Variants in CCSER1 observed in about 807,000 individuals in gnomAD.
CCSER1 encodes serine-rich coiled-coil domain-containing protein 1.
CCSER1 carries 41 observed loss-of-function variants against 82.0 expected under a neutral mutation model. The ratio of observed to expected loss-of-function variants is 0.50; its 90% CI spans 0.39 to 0.65. The LOEUF is 0.65. Among genes scored for constraint, CCSER1 ranks in the 30% least tolerant of loss-of-function variants. CCSER1 has a pLI of 0.00. For synonymous variants in CCSER1, 414 were observed against 383.9 expected (o/e 1.08, Z -0.92); for missense variants, 1,119 against 1,064.2 (o/e 1.05, Z -0.72).
chr4:91,550,600 G>A (rs560826896), intron 10 of CCSER1, among the ~76,000 whole-genome samples: 5 of 152,138 alleles, frequency 3.3e-5, no homozygotes, highest in Non-Finnish European at 7.4e-5. Flanking sequence ...TCAGAAAACA[G>A]AAGTTCGTTT....
intron 10 of CCSER1, among the ~76,000 whole-genome samples, chr4:91,396,145 G>T (rs2149354810): frequency 6.6e-6 from 1 of 152,090 alleles, no homozygotes; most frequent in African/African-American, 2.4e-5. Context: ...CAACCAACTG[G>T]GTCCTGTGAA....
chr4:91,152,674 G>T (rs1730359908), intron 10 of CCSER1, among the ~76,000 whole-genome samples: 1 of 152,104 alleles, frequency 6.6e-6, no homozygotes, highest in South Asian at 2.1e-4. Context: ...TCCTTTCCAT[G>T]TTTAGTGCTT....
intron 10 of CCSER1, among the ~76,000 whole-genome samples, chr4:91,156,280 C>A (rs1451523751): frequency 6.6e-6 from 1 of 151,724 alleles, no homozygotes; most frequent in East Asian, 1.9e-4. Context: ...AATCCTTGGA[C>A]TTTACCTAGT....
intron 5 of CCSER1, among the ~76,000 whole-genome samples, chr4:90,475,067 T>C (rs1764875161): frequency 6.6e-6 from 1 of 151,570 alleles, no homozygotes; most frequent in South Asian, 2.1e-4. Context: ...CACACACACA[T>C]AAATGCACTT....
At chr4:91,323,780 A>G (rs1333193324) in intron 10 of CCSER1, among the ~76,000 whole-genome samples, 2 of 152,320 alleles carry the variant, frequency 1.3e-5, no homozygotes, top group East Asian at 3.9e-4. Context: ...GCAATGGCCT[A>G]TGGATGCATA....
intron 5 of CCSER1, among the ~76,000 whole-genome samples, chr4:90,486,608 T>C (rs1241592857): frequency 6.6e-6 from 1 of 152,236 alleles, no homozygotes; most frequent in East Asian, 1.9e-4. Flanking sequence ...TTCTACTTTC[T>C]AGGTTTTTGT....
intron 10 of CCSER1, among the ~76,000 whole-genome samples, chr4:91,238,596 C>A (rs915044056): frequency 6.6e-6 from 1 of 152,100 alleles, no homozygotes; most frequent in African/African-American, 2.4e-5. Context: ...CTCTTAGTGT[C>A]TTTGTTTATC....
chr4:90,162,958 G>C (rs997618563), intron 1 of CCSER1, among the ~76,000 whole-genome samples: 3 of 152,052 alleles, frequency 2.0e-5, no homozygotes, highest in African/African-American at 7.2e-5. Flanking sequence ...TGTCCAGGGA[G>C]TAAGAAACCA....
At chr4:90,577,536 G>A (rs1780903237) in intron 5 of CCSER1, among the ~76,000 whole-genome samples, 1 of 151,888 alleles carries the variant, frequency 6.6e-6, no homozygotes, top group Admixed American at 6.6e-5. Context: ...CACTTTTTAG[G>A]GCATTGGTTT....
Position 90,309,574 on chromosome 4 carries a change from A to T in CCSER1, c.1290A>T (p.Lys430Asn). The T allele has an allele frequency of 6.2e-7, 1 of 1,603,486 alleles. No individual in the cohort carries two copies. Residue 430 changes from lysine (K) to asparagine (N), a missense_variant, in exon 2 of 11, where the codon AAA becomes AAT. Lys to Asn is a moderately conservative substitution (Grantham distance 94, BLOSUM62 0). Transcript: ENST00000509176. ...PTSGDHHIFN[K>N]TSHGYEANPA... is the part of the protein sequence containing the mutation. ...CTGGTGATCATCATATTTTTAACAA[A>T]ACATCACATGGATATGAAGCAAATC...
chr4:90,459,158 G>A (rs923562002), intron 4 of CCSER1, among the ~76,000 whole-genome samples: 2 of 152,034 alleles, frequency 1.3e-5, no homozygotes, highest in Non-Finnish European at 2.9e-5. Flanking sequence ...AACTATACAC[G>A]ATCTAGTTTT....
intron 1 of CCSER1, among the ~76,000 whole-genome samples, chr4:90,291,813 T>A (rs79603364): frequency 0.014 from 2,158 of 152,138 alleles, 65 homozygotes; most frequent in African/African-American, 0.049. Flanking sequence ...GGTGAATTTG[T>A]TAATTATTGG....
intron 10 of CCSER1, among the ~76,000 whole-genome samples, chr4:91,266,489 G>C (rs1254520852): frequency 6.6e-6 from 1 of 152,036 alleles, no homozygotes; most frequent in South Asian, 2.1e-4. Context: ...CTGATGTCGT[G>C]ATCTGCCCAC....
chr4:90,667,149 A>G (rs1044514218), intron 6 of CCSER1, among the ~76,000 whole-genome samples: 1 of 152,128 alleles, frequency 6.6e-6, no homozygotes, highest in African/African-American at 2.4e-5. Context: ...TCAGTACACC[A>G]TAGTGGTTAG....
chr4:90,561,365 C>G (rs1335222010), intron 5 of CCSER1, among the ~76,000 whole-genome samples: 3 of 152,208 alleles, frequency 2.0e-5, no homozygotes, highest in Non-Finnish European at 4.4e-5. Context: ...CCCTGGAGAA[C>G]ACCACAAATC....
chr4:90,131,523 G>A (rs1008343024), intron 1 of CCSER1, among the ~76,000 whole-genome samples: 21 of 152,108 alleles, frequency 1.4e-4, no homozygotes, highest in African/African-American at 3.9e-4. Context: ...AAGAATAACA[G>A]TATTAATAGT....
At chr4:91,305,180 A>G (rs1006156422) in intron 10 of CCSER1, among the ~76,000 whole-genome samples, 1 of 152,074 alleles carries the variant, frequency 6.6e-6, no homozygotes, top group Non-Finnish European at 1.5e-5. Flanking sequence ...TAGATTGTTT[A>G]TAGAATCATT....
chr4:90,620,095 T>A (rs530589531), intron 5 of CCSER1, among the ~76,000 whole-genome samples: 154 of 152,230 alleles, frequency 1.0e-3, no homozygotes, highest in African/African-American at 3.6e-3. Flanking sequence ...CCAAAATAGG[T>A]GTAAAAATAA....
At chr4:90,957,385 C>A (rs1052870468) in intron 9 of CCSER1, among the ~76,000 whole-genome samples, 3 of 146,898 alleles carry the variant, frequency 2.0e-5, no homozygotes, top group Non-Finnish European at 4.5e-5. Flanking sequence ...CAGGCGTGAG[C>A]CACCGTGCCT....
Sources: allele counts gnomAD v4.1 joint callset (sites outside exome capture counted in the v4.1 genomes callset), GRCh38; gene constraint gnomAD v4.1.1; transcripts MANE v1.5; gene names NCBI Gene and HGNC (gene_info 2026-07-23, HGNC 2026-07-21).